The following NKAIN2 variants were observed in gnomAD, a reference collection of about 807,000 sequenced individuals.
The protein encoded by NKAIN2 is sodium/potassium-transporting ATPase subunit beta-1-interacting protein 2.
A neutral mutation model predicts 32.6 loss-of-function variants in NKAIN2; 14 were observed. The observed-to-expected ratio is 0.43, with a 90% CI of 0.28 to 0.67. NKAIN2 has a LOEUF of 0.67. NKAIN2 is among the 30% of genes least tolerant of loss of function. The pLI is 0.17. For missense variants in NKAIN2, 198 were observed against 258.3 expected (o/e 0.77, Z 1.60); for synonymous variants, 80 against 87.2 (o/e 0.92, Z 0.46).
intron 1 of NKAIN2, among the ~76,000 whole-genome samples, chr6:124,012,437 G>A (rs1474282708): frequency 6.7e-6 from 1 of 149,020 alleles, no homozygotes; most frequent in Admixed American, 6.8e-5. Context: ...CCAGGTTCAA[G>A]CAATTCTCCT....
intron 6 of NKAIN2, among the ~76,000 whole-genome samples, chr6:124,821,747 G>A (rs1781402130): frequency 6.6e-6 from 1 of 152,198 alleles, no homozygotes; most frequent in Non-Finnish European, 1.5e-5. Flanking sequence ...AATTTAGGAA[G>A]TTATGTATAC....
chr6:124,213,474 C>T (rs924970090), intron 1 of NKAIN2, among the ~76,000 whole-genome samples: 5 of 151,688 alleles, frequency 3.3e-5, no homozygotes, highest in Admixed American at 3.3e-4. Context: ...TAGCACTATA[C>T]CCACCAGAAA....
intron 4 of NKAIN2, among the ~76,000 whole-genome samples, chr6:124,784,073 T>C (rs1175645637): frequency 6.6e-6 from 1 of 152,172 alleles, no homozygotes; most frequent in Non-Finnish European, 1.5e-5. Context: ...GCATATCTAC[T>C]TGGTTTAGAT....
chr6:124,667,902 T>C (rs1477485077), intron 4 of NKAIN2, among the ~76,000 whole-genome samples: 2 of 152,118 alleles, frequency 1.3e-5, no homozygotes, highest in Admixed American at 6.6e-5. Context: ...ACCTTTTGCT[T>C]TTACCAATCT....
At chr6:123,961,160 G>C (rs886274381) in intron 1 of NKAIN2, among the ~76,000 whole-genome samples, 1 of 151,780 alleles carries the variant, frequency 6.6e-6, no homozygotes, top group Non-Finnish European at 1.5e-5. Flanking sequence ...CATAAATCTG[G>C]AAGTGACATT....
At chr6:124,029,748 A>T (rs1019099557) in intron 1 of NKAIN2, among the ~76,000 whole-genome samples, 36 of 152,264 alleles carry the variant, frequency 2.4e-4, no homozygotes, top group African/African-American at 8.4e-4. Flanking sequence ...CAGCAGCAGG[A>T]GGTGAGTGGT....
At chr6:124,028,857 CTATATATACACATATA>C (rs1781257174) in intron 1 of NKAIN2, among the ~76,000 whole-genome samples, 1 of 124,862 alleles carries the variant, frequency 8.0e-6, no homozygotes. Context: ...ATGTGTGTGT[CTATATATACACATATA>C]TGTATATATA....
chr6:124,722,968 T>G (rs1013446627), intron 4 of NKAIN2, among the ~76,000 whole-genome samples: 1 of 152,196 alleles, frequency 6.6e-6, no homozygotes, highest in South Asian at 2.1e-4. Flanking sequence ...CAAAAACACA[T>G]GAGGAACATC....
intron 1 of NKAIN2, among the ~76,000 whole-genome samples, chr6:123,833,494 T>G (rs1463614514): frequency 6.6e-6 from 1 of 152,178 alleles, no homozygotes; most frequent in Non-Finnish European, 1.5e-5. Context: ...TAGATTTCAT[T>G]GAAGCTATAG....
At chr6:124,696,468 A>G (rs953158677) in intron 4 of NKAIN2, among the ~76,000 whole-genome samples, 4 of 152,066 alleles carry the variant, frequency 2.6e-5, no homozygotes, top group Non-Finnish European at 4.4e-5. Flanking sequence ...GCCACCTCCC[A>G]TGCCCTGAGA....
At chr6:124,484,764 A>G (rs1353855543) in intron 3 of NKAIN2, among the ~76,000 whole-genome samples, 1 of 152,164 alleles carries the variant, frequency 6.6e-6, no homozygotes, top group South Asian at 2.1e-4. Flanking sequence ...CATACTTGTA[A>G]ACATGCATGT....
intron 3 of NKAIN2, among the ~76,000 whole-genome samples, chr6:124,643,158 G>T (rs1322742902): frequency 6.6e-6 from 1 of 152,036 alleles, no homozygotes; most frequent in African/African-American, 2.4e-5. Flanking sequence ...TGGTGCTTGT[G>T]GTCTCTTACT....
At chr6:124,398,668 G>A (rs979797493) in intron 3 of NKAIN2, among the ~76,000 whole-genome samples, 10 of 152,158 alleles carry the variant, frequency 6.6e-5, no homozygotes, top group African/African-American at 2.4e-4. Context: ...TTAAAATTGT[G>A]CAGTTTTAAG....
At chr6:124,812,390 A>G (rs1012530356) in intron 5 of NKAIN2, among the ~76,000 whole-genome samples, 4 of 152,158 alleles carry the variant, frequency 2.6e-5, no homozygotes, top group African/African-American at 4.8e-5. Context: ...GTAAATACCT[A>G]TTGAGTGTCT....
intron 1 of NKAIN2, among the ~76,000 whole-genome samples, chr6:123,914,769 T>C (rs562997070): frequency 4.5e-4 from 69 of 152,254 alleles, no homozygotes; most frequent in Middle Eastern, 3.4e-3. Context: ...TATTTTATGA[T>C]ACGGATAAGA....
intron 4 of NKAIN2, among the ~76,000 whole-genome samples, chr6:124,713,945 T>C (rs1775623930): frequency 6.6e-6 from 1 of 152,202 alleles, no homozygotes; most frequent in African/African-American, 2.4e-5. Flanking sequence ...CCAAGAAGTT[T>C]ATTTGCTCAT....
At chr6:124,104,061 T>C (rs1785008872) in intron 1 of NKAIN2, among the ~76,000 whole-genome samples, 1 of 152,146 alleles carries the variant, frequency 6.6e-6, no homozygotes, top group Non-Finnish European at 1.5e-5. Context: ...CACTCCAGCC[T>C]GAGCGACAGA....
intron 1 of NKAIN2, among the ~76,000 whole-genome samples, chr6:123,842,202 G>T (rs2114937041): frequency 6.6e-6 from 1 of 151,956 alleles, no homozygotes; most frequent in East Asian, 1.9e-4. Flanking sequence ...AGTCTGCTTG[G>T]GCTGCCAAAA....
intron 1 of NKAIN2, among the ~76,000 whole-genome samples, chr6:123,914,622 G>A (rs578240789): frequency 5.9e-5 from 9 of 152,194 alleles, no homozygotes; most frequent in African/African-American, 2.2e-4. Context: ...GACACTGAGG[G>A]TTTGGTGATT....
Sources: allele counts gnomAD v4.1 joint callset (sites outside exome capture counted in the v4.1 genomes callset), GRCh38; gene constraint gnomAD v4.1.1; transcripts MANE v1.5; gene names NCBI Gene and HGNC (gene_info 2026-07-23, HGNC 2026-07-21).